RBFOX1: variants seen among roughly 807,000 people sequenced by gnomAD.
The protein encoded by RBFOX1 is RNA binding protein fox-1 homolog 1.
A neutral mutation model predicts 57.7 loss-of-function variants in RBFOX1; 8 were observed. That is an observed-to-expected ratio of 0.14 (90% CI 0.08 to 0.25). RBFOX1 has a LOEUF of 0.25. Among genes scored for constraint, RBFOX1 ranks in the 10% least tolerant of loss-of-function variants. The probability of loss-of-function intolerance (pLI) is 1.00; values close to 1 mark genes in which losing one functional copy is unlikely to be tolerated. For synonymous variants in RBFOX1, 326 were observed against 222.4 expected, an observed-to-expected ratio of 1.47 and a Z score of -4.15; for missense variants, 611 against 548.5, an observed-to-expected ratio of 1.11 and a Z score of -1.14.
chr16:7,079,422 C>G (rs2058815408), intron 4 of RBFOX1, among the ~76,000 whole-genome samples: 1 of 152,156 alleles, frequency 6.6e-6, no homozygotes, highest in Non-Finnish European at 1.5e-5. Context: ...TCTGCCTGAG[C>G]AGAACCACAG....
intron 4 of RBFOX1, among the ~76,000 whole-genome samples, chr16:7,378,744 T>C (rs1222100194): frequency 2.0e-5 from 3 of 152,244 alleles, no homozygotes; most frequent in Non-Finnish European, 4.4e-5. Flanking sequence ...GCTGCTTTTC[T>C]CAATGGCTGA....
chr16:7,061,269 GT>G (rs536455119), intron 4 of RBFOX1, among the ~76,000 whole-genome samples: 1 of 152,026 alleles, frequency 6.6e-6, no homozygotes, highest in African/African-American at 2.4e-5. Context: ...TTTTTAAAAT[GT>G]TTTTTAAATG....
At chr16:7,326,655 GTT>G (rs58576038) in intron 4 of RBFOX1, among the ~76,000 whole-genome samples, 6,149 of 152,216 alleles carry the variant, frequency 0.04, 372 homozygotes, top group African/African-American at 0.13. Context: ...GGGTACAGGT[GTT>G]TTGTACCATC....
intron 3 of RBFOX1, among the ~76,000 whole-genome samples, chr16:6,986,038 A>C (rs778742161): frequency 6.6e-6 from 1 of 151,606 alleles, no homozygotes; most frequent in Non-Finnish European, 1.5e-5. Context: ...GAGAACCTGC[A>C]TATCTCCAAT....
intron 2 of RBFOX1, among the ~76,000 whole-genome samples, chr16:6,556,471 C>T (rs1370259014): frequency 2.6e-5 from 4 of 152,138 alleles, no homozygotes; most frequent in Admixed American, 6.6e-5. Context: ...GAAAACATGT[C>T]GCCTCTGAGG....
chr16:5,918,642 T>A (rs2058757752), intron 4 of RBFOX1, among the ~76,000 whole-genome samples: 1 of 152,218 alleles, frequency 6.6e-6, no homozygotes, highest in Non-Finnish European at 1.5e-5. Context: ...GACAGTGAGC[T>A]GTAGGCATTC....
intron 4 of RBFOX1, among the ~76,000 whole-genome samples, chr16:7,366,487 A>C (rs1452877248): frequency 6.6e-6 from 1 of 152,166 alleles, no homozygotes; most frequent in African/African-American, 2.4e-5. Context: ...TAAACCCTCC[A>C]GGACAGACAG....
At chr16:6,734,646 T>C (rs1384621562) in intron 3 of RBFOX1, among the ~76,000 whole-genome samples, 1 of 152,156 alleles carries the variant, frequency 6.6e-6, no homozygotes, top group Admixed American at 6.5e-5. Context: ...TTCTTTGTGA[T>C]AGTTTCTCCT....
intron 1 of RBFOX1, among the ~76,000 whole-genome samples, chr16:5,416,007 G>C (rs2067151568): frequency 6.6e-6 from 1 of 152,168 alleles, no homozygotes; most frequent in African/African-American, 2.4e-5. Flanking sequence ...TGTTACATAG[G>C]GGAGGTTTCT....
chr16:7,471,460 T>G (rs1027507707), intron 4 of RBFOX1, among the ~76,000 whole-genome samples: 2 of 152,222 alleles, frequency 1.3e-5, no homozygotes, highest in Admixed American at 6.5e-5. Context: ...TCATTTTTAT[T>G]GCTGTCAGTC....
At chr16:5,661,258 G>T (rs2049638244) in intron 3 of RBFOX1, among the ~76,000 whole-genome samples, 1 of 152,140 alleles carries the variant, frequency 6.6e-6, no homozygotes, top group African/African-American at 2.4e-5. Context: ...TGAGTAATAT[G>T]ACATACGCTA....
chr16:7,609,927 C>G (rs1194884389), intron 10 of RBFOX1, among the ~76,000 whole-genome samples: 1 of 141,382 alleles, frequency 7.1e-6, no homozygotes, highest in Non-Finnish European at 1.5e-5. Context: ...AAGTGATTCT[C>G]CTGCCTCAGC....
At chr16:5,612,238 C>G (rs1032516211) in intron 3 of RBFOX1, among the ~76,000 whole-genome samples, 2 of 135,756 alleles carry the variant, frequency 1.5e-5, no homozygotes, top group African/African-American at 5.5e-5. Context: ...TTCATCTACT[C>G]TCCCATCAGT....
chr16:6,394,159 T>C (rs929183604), intron 2 of RBFOX1, among the ~76,000 whole-genome samples: 11 of 152,124 alleles, frequency 7.2e-5, no homozygotes, highest in African/African-American at 1.2e-4. Flanking sequence ...AATGCAAAAA[T>C]ATGGGATCCT....
Position 7,225,919 on chromosome 16 carries a change from T to TAA in RBFOX1, c.27+173823_27+173824dup, listed in dbSNP as rs1555600521. 2.1e-5 allele frequency among the ~76,000 whole-genome samples: 3 copies of TAA among 142,146 alleles called. No homozygotes were observed. The East Asian group carries it at 5.9e-4, about 28-fold the overall frequency. The allele number at this position is 142,146 out of a possible 152,430, so 93.3% of individuals were successfully genotyped here. ...AAAGTATAATAAATATATATATATA[T>TAA]AAATGTGAATGTCATGTTTCTGAGA... On this transcript the variant is annotated intron_variant, in intron 4 of 15. Transcript: ENST00000550418.
chr16:6,813,526 G>C (rs917477821), intron 3 of RBFOX1, among the ~76,000 whole-genome samples: 3 of 152,052 alleles, frequency 2.0e-5, no homozygotes, highest in Admixed American at 6.6e-5. Context: ...CTGTCACCTG[G>C]TCCCTAAAGT....
chr16:7,504,737 ATATATATATATATATATT>A (rs2072355166), intron 4 of RBFOX1, among the ~76,000 whole-genome samples: 2 of 6,490 alleles, frequency 3.1e-4, no homozygotes, highest in African/African-American at 7.7e-4. Context: ...ATATATATAT[ATATATATATATATATATT>A]TATATATATA....
intron 3 of RBFOX1, among the ~76,000 whole-genome samples, chr16:5,636,003 G>A (rs1254713531): frequency 6.6e-6 from 1 of 151,972 alleles, no homozygotes; most frequent in Non-Finnish European, 1.5e-5. Flanking sequence ...GAGGCCAGCA[G>A]TTTTAGACTA....
At chr16:6,500,560 C>T (rs1045352228) in intron 2 of RBFOX1, among the ~76,000 whole-genome samples, 1 of 152,100 alleles carries the variant, frequency 6.6e-6, no homozygotes, top group East Asian at 1.9e-4. Context: ...ATTCTGAACA[C>T]AATAGAGTCC....
Sources: allele counts gnomAD v4.1 joint callset (sites outside exome capture counted in the v4.1 genomes callset), GRCh38; gene constraint gnomAD v4.1.1; transcripts MANE v1.5; gene names NCBI Gene and HGNC (gene_info 2026-07-23, HGNC 2026-07-21).